Variants in SOX5 observed in about 807,000 individuals in gnomAD.
SOX5 encodes SRY-box transcription factor 5, also known as transcription factor SOX-5.
Under a neutral mutation model 92.0 loss-of-function variants are expected in SOX5, and 9 were observed. The ratio of observed to expected loss-of-function variants is 0.10; its 90% CI spans 0.06 to 0.17. The LOEUF is 0.17. Among genes scored for constraint, SOX5 ranks in the 10% least tolerant of loss-of-function variants. The pLI, the probability that SOX5 is intolerant of heterozygous loss-of-function variation, is 1.00. For missense variants in SOX5, 642 were observed against 944.5 expected (o/e 0.68, Z 4.20); for synonymous variants, 344 against 336.3 (o/e 1.02, Z -0.25).
rs544844527 is a variant in SOX5, at chr12:23,577,739, T to C, written c.1165-1901A>G. Among the ~76,000 whole-genome samples the C allele has an allele frequency of 1.1e-3, 165 of 152,220 alleles. 1 individual carries two copies. The highest frequency in any genetic ancestry group is 0.01 in the Middle Eastern group (3 of 292). On this transcript the variant is annotated intron_variant, in intron 9 of 14. Coordinates refer to ENST00000451604, the MANE Select transcript of SOX5 (RefSeq NM_006940.6). ...AAAGACTATTATACCAAATCTATATTGATTCATAAGATCTTGACAGGAAGT... is the reference window on the plus strand; with the variant it reads ...AAAGACTATTATACCAAATCTATATCGATTCATAAGATCTTGACAGGAAGT...
At chr12:23,780,922 T>C (rs1050875555) in intron 3 of SOX5, among the ~76,000 whole-genome samples, 4 of 152,056 alleles carry the variant, frequency 2.6e-5, no homozygotes, top group Middle Eastern at 3.4e-3. Flanking sequence ...CATGAGGAGC[T>C]GGGCAGAAAG....
chr12:23,617,947 C>G (rs1270480569), intron 8 of SOX5, among the ~76,000 whole-genome samples: 1 of 152,142 alleles, frequency 6.6e-6, no homozygotes, highest in Non-Finnish European at 1.5e-5. Flanking sequence ...GCACAGTAAT[C>G]CATTACAATA....
chr12:23,577,946 T>A (rs1949429619), intron 9 of SOX5, among the ~76,000 whole-genome samples: 1 of 150,912 alleles, frequency 6.6e-6, no homozygotes, highest in Admixed American at 6.6e-5. Flanking sequence ...ACGGTGAAAC[T>A]TTGTTTCTAC....
Position 23,786,543 on chromosome 12 carries a change from CAA to C in SOX5, c.482-30821_482-30820del, listed in dbSNP as rs34782173. Among the ~76,000 whole-genome samples the C allele has an allele frequency of 2.0e-3, 252 of 126,908 alleles. 1 individual carries two copies. Among genetic ancestry groups the C allele is most frequent in the Middle Eastern group, 3.7e-3 (1 of 270 alleles). The allele number at this position is 126,908 out of a possible 152,430, so 83.3% of individuals were successfully genotyped here. A position where few individuals can be genotyped will look rare whatever the true frequency, so the allele number is the denominator to read the frequency against. The stretch of plus-strand genomic sequence containing the variant: ...TGGTGGACAGAGTGAGACTCCATCT[CAA>C]AAAAAAAAAAAAGAAAAAAGAGACC... On this transcript the variant is annotated intron_variant, in intron 3 of 14. Coordinates refer to ENST00000451604, the MANE Select transcript of SOX5 (RefSeq NM_006940.6).
chr12:24,059,501 T>C (rs1451303113), intron 4 of SOX5, among the ~76,000 whole-genome samples: 1 of 152,142 alleles, frequency 6.6e-6, no homozygotes, highest in Non-Finnish European at 1.5e-5. Flanking sequence ...CCATGCTGCC[T>C]CAACTTTGTC....
intron 1 of SOX5, among the ~76,000 whole-genome samples, chr12:24,384,353 T>C (rs1958147432): frequency 6.6e-6 from 1 of 152,204 alleles, no homozygotes; most frequent in African/African-American, 2.4e-5. Context: ...CGCCTCCTGT[T>C]GTATGGCCCG....
chr12:24,277,694 T>C (rs1944663035), intron 2 of SOX5, among the ~76,000 whole-genome samples: 1 of 151,640 alleles, frequency 6.6e-6, no homozygotes, highest in Admixed American at 6.6e-5. Flanking sequence ...TCAGTAGTTG[T>C]TGTGGTCCAA....
At chr12:23,934,411 C>T (rs1316865338) in intron 1 of SOX5, among the ~76,000 whole-genome samples, 1 of 149,378 alleles carries the variant, frequency 6.7e-6, no homozygotes, top group Non-Finnish European at 1.5e-5. Flanking sequence ...ATGTATATCA[C>T]ATATGATGTG....
chr12:23,755,929 G>A (rs1364819684), intron 3 of SOX5, among the ~76,000 whole-genome samples: 2 of 151,654 alleles, frequency 1.3e-5, no homozygotes, highest in African/African-American at 2.4e-5. Flanking sequence ...TTCCTCTTGC[G>A]GAACAAAGCC....
intron 6 of SOX5, among the ~76,000 whole-genome samples, chr12:23,669,131 C>T (rs2084343796): frequency 6.6e-6 from 1 of 152,088 alleles, no homozygotes; most frequent in African/African-American, 2.4e-5. Context: ...TACATGGATG[C>T]TCTCTAGGAG....
chr12:23,621,142 A>G (rs945603918), intron 8 of SOX5, among the ~76,000 whole-genome samples: 1 of 152,124 alleles, frequency 6.6e-6, no homozygotes, highest in Non-Finnish European at 1.5e-5. Flanking sequence ...TCATTCTTAA[A>G]GTATATGTTT....
chr12:23,762,998 T>G (rs1463710215), intron 3 of SOX5, among the ~76,000 whole-genome samples: 2 of 152,214 alleles, frequency 1.3e-5, no homozygotes, highest in East Asian at 3.9e-4. Context: ...GTTTTGTTCT[T>G]ATTTCAAATA....
At chr12:23,961,085 C>A (rs971922903) in intron 4 of SOX5, among the ~76,000 whole-genome samples, 1 of 152,002 alleles carries the variant, frequency 6.6e-6, no homozygotes, top group African/African-American at 2.4e-5. Flanking sequence ...GATCTGCAGA[C>A]CCCAGATAGC....
intron 4 of SOX5, among the ~76,000 whole-genome samples, chr12:24,022,778 A>G (rs1954452854): frequency 1.3e-5 from 2 of 152,096 alleles, no homozygotes; most frequent in Non-Finnish European, 2.9e-5. Flanking sequence ...TTTTCCACTA[A>G]ATTAAACTGA....
chr12:24,031,833 C>T (rs1955541491), intron 4 of SOX5, among the ~76,000 whole-genome samples: 1 of 151,378 alleles, frequency 6.6e-6, no homozygotes, highest in Non-Finnish European at 1.5e-5. Context: ...AGAACTAAGG[C>T]AGGAGTGACA....
intron 3 of SOX5, among the ~76,000 whole-genome samples, chr12:23,803,986 T>C (rs11047105): frequency 0.11 from 16,751 of 152,226 alleles, 1,045 homozygotes; most frequent in East Asian, 0.21. Flanking sequence ...TCTGTTCAGA[T>C]ACAGGACAAC....
At chr12:23,865,658 G>T (rs1264636815) in intron 2 of SOX5, among the ~76,000 whole-genome samples, 1 of 151,806 alleles carries the variant, frequency 6.6e-6, no homozygotes, top group Non-Finnish European at 1.5e-5. Flanking sequence ...CTGGGTGACA[G>T]AGTGAGACTC....
At chr12:24,003,142 C>A (rs1951788667) in intron 4 of SOX5, among the ~76,000 whole-genome samples, 1 of 151,960 alleles carries the variant, frequency 6.6e-6, no homozygotes, top group Non-Finnish European at 1.5e-5. Flanking sequence ...TAACAAGGAT[C>A]AGAAGAAAAC....
chr12:24,019,339 T>C (rs1954032130), intron 4 of SOX5, among the ~76,000 whole-genome samples: 1 of 152,156 alleles, frequency 6.6e-6, no homozygotes, highest in African/African-American at 2.4e-5. Context: ...ACATCTCTAC[T>C]CAAGGGTGGC....
Sources: gnomAD v4.1 joint callset for allele counts (sites outside exome capture counted in the v4.1 genomes callset) on GRCh38, gnomAD v4.1.1 for gene constraint, MANE v1.5 for transcripts, NCBI Gene and HGNC (gene_info 2026-07-23, HGNC 2026-07-21) for gene names.